TFB1M: variants seen among roughly 807,000 people sequenced by gnomAD.
TFB1M encodes dimethyladenosine transferase 1, mitochondrial.
In TFB1M, 27 loss-of-function variants were observed where a neutral mutation model predicts 31.1. The ratio of observed to expected loss-of-function variants is 0.87; its 90% CI spans 0.64 to 1.20. The LOEUF is 1.20. Among genes scored for constraint, TFB1M ranks in the 50% most tolerant of loss-of-function variants. TFB1M has a pLI of 0.00. For missense variants in TFB1M, 394 were observed against 418.7 expected (o/e 0.94, Z 0.51); for synonymous variants, 166 against 151.8 (o/e 1.09, Z -0.69).
At position 155,256,950 on chromosome 6, in the gene TFB1M, C is replaced by T; in HGVS notation, c.*886G>A. On this transcript the variant is annotated 3_prime_UTR_variant, in exon 7 of 7. Transcript: ENST00000367166. ...GAAAAGCCAACAGCACCAAGAGGGACAGAGGAACTTTGCTCAAGGCGCAGA... is the reference window on the plus strand; with the variant it reads ...GAAAAGCCAACAGCACCAAGAGGGATAGAGGAACTTTGCTCAAGGCGCAGA... The T allele has an allele frequency of 6.2e-7, 1 of 1,614,164 alleles. No individual in the cohort carries two copies. The highest frequency in any genetic ancestry group is 1.6e-4 in the Middle Eastern group (1 of 6,062).
At chr6:155,299,218 C>G (rs1481861614) in intron 2 of TFB1M, among the ~76,000 whole-genome samples, 2 of 152,126 alleles carry the variant, frequency 1.3e-5, no homozygotes, top group African/African-American at 4.8e-5. Flanking sequence ...ATAGCTACTT[C>G]CCAACCTATT....
intron 4 of TFB1M, among the ~76,000 whole-genome samples, chr6:155,288,795 T>C (rs1414414350): frequency 1.3e-5 from 2 of 152,144 alleles, no homozygotes; most frequent in African/African-American, 2.4e-5. Flanking sequence ...ACCAGAAAGC[T>C]CTACAAAAGA....
intron 1 of TFB1M, 174 bp downstream of exon 1, chr6:155,314,122 G>GT (rs1778142094): frequency 6.7e-7 from 1 of 1,491,744 alleles, no homozygotes; most frequent in Non-Finnish European, 8.9e-7. Flanking sequence ...CGCACTTCAC[G>GT]TGTCTCCTGG....
At chr6:155,246,895 T>C in the TFB1M span, among the ~76,000 whole-genome samples, 2 of 152,244 alleles carry the variant, frequency 1.3e-5, no homozygotes, top group Admixed American at 6.5e-5. Flanking sequence ...TCCTTCAGAG[T>C]AGCTGCATTC....
At chr6:155,296,535 C>T (rs1216877229) in intron 4 of TFB1M, among the ~76,000 whole-genome samples, 1 of 151,356 alleles carries the variant, frequency 6.6e-6, no homozygotes, top group Non-Finnish European at 1.5e-5. Flanking sequence ...GCCTCGGCCT[C>T]CCAAAGTGCT....
intron 4 of TFB1M, among the ~76,000 whole-genome samples, chr6:155,288,753 C>T (rs1012283449): frequency 6.6e-6 from 1 of 152,086 alleles, no homozygotes; most frequent in Non-Finnish European, 1.5e-5. Context: ...CATAGCTGTC[C>T]CTAACTCATT....
the TFB1M span, chr6:155,244,153 T>C: frequency 2.2e-6 from 3 of 1,349,318 alleles, no homozygotes; most frequent in South Asian, 3.5e-5. Context: ...AGAACTCCTA[T>C]GAGAGTATCT....
At chr6:155,303,317 T>C (rs1268263592) in intron 2 of TFB1M, 3 of 152,228 alleles carry the variant, frequency 2.0e-5, no homozygotes, top group African/African-American at 2.4e-5. Flanking sequence ...TTTAGAATAA[T>C]GGCCTCAATA....
downstream of TFB1M, chr6:155,252,812 TTC>T (rs1220098743): frequency 4.3e-6 from 3 of 701,022 alleles, no homozygotes; most frequent in Non-Finnish European, 7.2e-6. Context: ...GCTGATTGAC[TTC>T]TGTGCCCTGA....
chr6:155,262,605 T>C (rs1784440307), intron 5 of TFB1M, among the ~76,000 whole-genome samples: 1 of 152,104 alleles, frequency 6.6e-6, no homozygotes, highest in Admixed American at 6.5e-5. Flanking sequence ...CTTAGCAAAA[T>C]CTGAGATAAA....
chr6:155,288,008 T>C (rs906814950), intron 4 of TFB1M, among the ~76,000 whole-genome samples: 2 of 152,228 alleles, frequency 1.3e-5, no homozygotes, highest in Non-Finnish European at 2.9e-5. Flanking sequence ...GGGTTTGCTC[T>C]TTCCCGCTTC....
chr6:155,290,311 G>A (rs1012619780), intron 4 of TFB1M, among the ~76,000 whole-genome samples: 6 of 151,118 alleles, frequency 4.0e-5, no homozygotes, highest in Non-Finnish European at 7.4e-5. Context: ...GCATGAACCC[G>A]GGAGGCGGGG....
chr6:155,301,308 T>C (rs761798466), intron 2 of TFB1M, among the ~76,000 whole-genome samples: 1 of 152,196 alleles, frequency 6.6e-6, no homozygotes, highest in Non-Finnish European at 1.5e-5. Context: ...AAAGCAATTA[T>C]GGGGAAACAG....
rs1268803769 is a variant in TFB1M, at chr6:155,256,771, A to G, written c.*1065T>C. Reference sequence around the variant, plus strand: ...GACTGTGAAGCAGGGCAGCCCTACTAAAGACATCGAAATTCAGTTCCAGAG... The same window carrying G: ...GACTGTGAAGCAGGGCAGCCCTACTGAAGACATCGAAATTCAGTTCCAGAG... On this transcript the variant is annotated 3_prime_UTR_variant, in exon 7 of 7. Coordinates refer to ENST00000367166, the MANE Select transcript of TFB1M (RefSeq NM_016020.4). 4.3e-6 allele frequency: 7 copies of G among 1,614,170 alleles called. No homozygotes were observed. Among genetic ancestry groups the G allele is most frequent in the Non-Finnish European group, 5.9e-6 (7 of 1,180,036 alleles).
the TFB1M span, chr6:155,244,583 G>A: frequency 1.9e-5 from 29 of 1,503,342 alleles, no homozygotes; most frequent in Admixed American, 6.4e-5. Flanking sequence ...TGATTTATTT[G>A]TGGGCCTAAG....
intron 4 of TFB1M, among the ~76,000 whole-genome samples, chr6:155,286,838 T>C (rs765456173): frequency 7.9e-5 from 12 of 151,758 alleles, no homozygotes; most frequent in Non-Finnish European, 1.6e-4. Context: ...AAAACTACTG[T>C]ACTTTATTAA....
the TFB1M span, chr6:155,250,015 G>T: frequency 1.4e-6 from 2 of 1,455,826 alleles, no homozygotes; most frequent in East Asian, 2.3e-5. Flanking sequence ...ATGTGGTGTG[G>T]GGTCTGTAGG....
downstream of TFB1M, chr6:155,252,944 A>G (rs978207299): frequency 2.5e-6 from 4 of 1,613,704 alleles, no homozygotes; most frequent in Non-Finnish European, 3.4e-6. Context: ...CCTTCATGTT[A>G]CAGCCCTCGA....
chr6:155,244,904 T>A, the TFB1M span: 1 of 1,258,572 alleles, frequency 7.9e-7, no homozygotes, highest in Admixed American at 2.5e-5. Flanking sequence ...TTTATTGTCC[T>A]GTGACTATTT....
Sources: gnomAD v4.1 joint callset for allele counts (sites outside exome capture counted in the v4.1 genomes callset) on GRCh38, gnomAD v4.1.1 for gene constraint, MANE v1.5 for transcripts, NCBI Gene and HGNC (gene_info 2026-07-23, HGNC 2026-07-21) for gene names.